Variants in ABCA7 observed in about 807,000 individuals in gnomAD.
The protein encoded by ABCA7 is phospholipid-transporting ATPase ABCA7.
A neutral mutation model predicts 227.6 loss-of-function variants in ABCA7; 261 were observed. The observed-to-expected ratio is 1.15, with a 90% CI of 1.04 to 1.27. The LOEUF (loss-of-function observed/expected upper bound fraction) is 1.27. Among genes scored for constraint, ABCA7 ranks in the 50% most tolerant of loss-of-function variants. The pLI is 0.00. For missense variants in ABCA7, 3,331 were observed against 2,924.5 expected (o/e 1.14, Z -3.21); for synonymous variants, 1,488 against 1,279.7 (o/e 1.16, Z -3.47).
At position 1,051,989 on chromosome 19, in the gene ABCA7, C is replaced by T. The variant is rs1403245182; in HGVS notation, c.3010C>T (p.Leu1004=). Residue 1004 remains leucine, a synonymous_variant, in exon 22 of 47, where the codon CTG becomes TTG. Transcript: ENST00000263094. The part of the protein sequence containing the change: ...STHHLDEAEL[L]GDRVAVVAGG... The stretch of plus-strand genomic sequence containing the variant: ...CCACCACCTGGATGAGGCAGAGCTG[C>T]TGGGAGACCGTGTGGCCGTGGTGGC... The T allele has an allele frequency of 1.2e-6, 2 of 1,612,274 alleles. No homozygotes were observed. The highest frequency in any genetic ancestry group is 1.7e-6 in the Non-Finnish European group (2 of 1,179,912).
chr19:1,041,931 G>T lies in ABCA7; in HGVS notation c.261G>T (p.Pro87=). The part of the protein sequence containing the change: ...VNNTCFPQLT[P]GEEPGRLSNF... ...ACACCTGCTTTCCGCAGCTGACACCGGGCGAGGAGCCCGGGCGCCTGAGCA... is the reference window on the plus strand; with the variant it reads ...ACACCTGCTTTCCGCAGCTGACACCTGGCGAGGAGCCCGGGCGCCTGAGCA... The change falls in exon 4 of 47, where the codon CCG becomes CCT. Residue 87 remains proline (P), a synonymous_variant. Transcript: ENST00000263094. 3 of 1,596,678 alleles carry T rather than the reference G, an allele frequency of 1.9e-6. No homozygotes were observed. The highest frequency in any genetic ancestry group is 2.5e-6 in the Non-Finnish European group (3 of 1,176,600).
In ABCA7 at chr19:1,053,439, G is replaced by T; in HGVS notation, c.3331G>T (p.Gly1111Cys). The change falls in exon 24 of 47, where the codon GGC (glycine) becomes TGC (cysteine). Residue 1111 changes from glycine to cysteine, a missense_variant. By Grantham distance (159) the Gly-to-Cys change is radical. Transcript: ENST00000263094. ...GCTGCCCTACACGGGTGCCCATGAC[G>T]GCAGCTTCGCCACACTCTTCCGAGA... ...LVLPYTGAHD[G>C]SFATLFRELD... 2 of 1,603,914 alleles carry T rather than the reference G, an allele frequency of 1.2e-6. No homozygotes were observed. The highest frequency in any genetic ancestry group is 2.2e-5 in the South Asian group (2 of 89,838).
intron 12 of ABCA7, chr19:1,045,463 G>A (rs2040531252): frequency 1.8e-6 from 1 of 562,492 alleles, no homozygotes; most frequent in Admixed American, 3.2e-5. Context: ...GATGAGAGCA[G>A]GTATAGGTTG....
At chr19:1,060,044 C>A (rs1271042769) in intron 40 of ABCA7, among the ~76,000 whole-genome samples, 1 of 152,136 alleles carries the variant, frequency 6.6e-6, no homozygotes, top group Admixed American at 6.5e-5. Flanking sequence ...AGCACTTGCT[C>A]ACAGCCAGCA....
chr19:1,055,156 C>T lies in ABCA7; in HGVS notation c.4010C>T (p.Thr1337Ile). The change falls in exon 30 of 47, where the codon ACC becomes ATC. Residue 1337 changes from threonine (T) to isoleucine (I), a missense_variant. Thr to Ile is a moderately conservative substitution (Grantham distance 89, BLOSUM62 -1). Coordinates refer to ENST00000263094, the MANE Select transcript of ABCA7 (RefSeq NM_019112.4). ...AAGGTCTTGGCCAGTGGCAACTGGA[C>T]CCCAGAGTCTCCATCCCCAGCCTGC... ...VAKVLASGNW[T>I]PESPSPACQC... The T allele has an allele frequency of 1.2e-6, 2 of 1,612,886 alleles. No individual in the cohort carries two copies. Among genetic ancestry groups the T allele is most frequent in the Non-Finnish European group, 1.7e-6 (2 of 1,179,946 alleles).
rs545977293 is a variant in ABCA7, at chr19:1,045,256, G to T, written c.1445+25G>T. The T allele has an allele frequency of 4.2e-4, 358 of 861,196 alleles. 1 individual carries two copies. Among genetic ancestry groups the T allele is most frequent in the African/African-American group, 1.9e-3 (110 of 59,150 alleles). The allele number at this position is 861,196 out of a possible 1,614,324, so 53.3% of individuals were successfully genotyped here. On this transcript the variant is annotated intron_variant, in intron 12 of 46. Transcript: ENST00000263094. ...GGTCAGGCGAGGGAGGGGGCGGGGG[G>T]ATGAGGGACTGGGCGGGGCCAAGAG... is the stretch of plus-strand genomic sequence containing the variant.
Position 1,054,021 on chromosome 19 carries a change from A to G in ABCA7, c.3488A>G (p.Gln1163Arg). ...GGCCCTGCAGATGGCAGCTGCGGGCAGCACCTATGCACAGGCATTGCTGGC... is the reference window on the plus strand; with the variant it reads ...GGCCCTGCAGATGGCAGCTGCGGGCGGCACCTATGCACAGGCATTGCTGGC... ...DTDMEDGSCG[Q>R]HLCTGIAGLD... The change falls in exon 26 of 47, where the codon CAG becomes CGG. Residue 1163 changes from glutamine (Q) to arginine (R), a missense_variant. Physicochemically the swap from Gln to Arg is conservative, Grantham distance 43 (BLOSUM62 1). Coordinates refer to ENST00000263094, the MANE Select transcript of ABCA7 (RefSeq NM_019112.4). The surrounding 1 kb of genome is among the most constrained non-coding windows in gnomAD (Gnocchi z 4.8). The G allele has an allele frequency of 6.2e-7, 1 of 1,613,306 alleles. No individual in the cohort carries two copies. Among genetic ancestry groups the G allele is most frequent in the Non-Finnish European group, 8.5e-7 (1 of 1,179,930 alleles).
In ABCA7 at chr19:1,062,312, A is replaced by G. The variant is rs1270577554; in HGVS notation, c.5711A>G (p.Gln1904Arg). Residue 1904 changes from glutamine (Q) to arginine (R), a missense_variant and splice_region_variant, in exon 42 of 47, where the codon CAG becomes CGG. Physicochemically the swap from Gln to Arg is conservative, Grantham distance 43. Coordinates refer to ENST00000263094, the MANE Select transcript of ABCA7 (RefSeq NM_019112.4). ...GGTGTCCCGGAGGCCCAGGTTGCCC[A>G]GGTGAGCCCACTTTGTCCCCACCGC... ...LRGVPEAQVA[Q>R]TAGSGLARLG... 4 of 1,602,262 alleles carry G rather than the reference A, an allele frequency of 2.5e-6. No homozygotes were observed. In the South Asian group the frequency reaches 3.3e-5, roughly 13 times the overall value.
rs753585845 is a variant in ABCA7, at chr19:1,043,105, G to A, written c.644G>A (p.Gly215Asp). 6.2e-7 allele frequency: 1 copy of A among 1,612,438 alleles called. No individual in the cohort carries two copies. Among genetic ancestry groups the A allele is most frequent in the Non-Finnish European group, 8.5e-7 (1 of 1,179,524 alleles). Reference sequence around the variant, plus strand: ...CTGCAGAGACCCCGAGGGACCAGCGGCCCCCTGGAGTTGCTGTCAGAGGCC... The same window carrying A: ...CTGCAGAGACCCCGAGGGACCAGCGACCCCCTGGAGTTGCTGTCAGAGGCC... ...ALLQRPRGTS[G>D]PLELLSEALC... Residue 215 changes from glycine to aspartate, a missense_variant, in exon 8 of 47, where the codon GGC becomes GAC. Physicochemically the swap from Gly to Asp is moderately conservative, Grantham distance 94. Transcript: ENST00000263094.
At chr19:1,048,868 A>C in intron 16 of ABCA7, 27 bp from the exon 17 acceptor site, 1 of 1,411,896 alleles carries the variant, frequency 7.1e-7, no homozygotes, top group Admixed American at 2.1e-5. Flanking sequence ...GGGTGGGCTA[A>C]GCAATAACCC....
chr19:1,040,333 T>G (rs981220880), intron 1 of ABCA7, 137 bp downstream of exon 1: 1 of 152,184 alleles, frequency 6.6e-6, no homozygotes, highest in Non-Finnish European at 1.5e-5. Context: ...ACGGCTGAAT[T>G]GATCACTGAT....
chr19:1,057,754 A>AG (rs547682092), intron 35 of ABCA7, among the ~76,000 whole-genome samples, 161 bp from the exon 36 acceptor site: 39 of 151,306 alleles, frequency 2.6e-4, no homozygotes, highest in Non-Finnish European at 4.9e-4. Flanking sequence ...AGAAAGAAAG[A>AG]GAGAGAAAGA....
chr19:1,048,389 G>A (rs1387873681), intron 16 of ABCA7, among the ~76,000 whole-genome samples: 1 of 148,604 alleles, frequency 6.7e-6, no homozygotes, highest in Non-Finnish European at 1.5e-5. Flanking sequence ...CTAGCTACTT[G>A]GAAGGCAGAG....
At position 1,056,303 on chromosome 19, in the gene ABCA7, G is replaced by C. The variant is rs1455164248; in HGVS notation, c.4417-27G>C. The C allele has an allele frequency of 1.9e-6, 3 of 1,609,112 alleles. No individual in the cohort carries two copies. Among genetic ancestry groups the C allele is most frequent in the Non-Finnish European group, 2.5e-6 (3 of 1,177,934 alleles). On this transcript the variant is annotated intron_variant, in intron 32 of 46. Coordinates refer to ENST00000263094, the MANE Select transcript of ABCA7 (RefSeq NM_019112.4). The surrounding 1 kb of genome is among the most constrained non-coding windows in gnomAD (Gnocchi z 4.3). ...CAGCAAGGTCCAACCCCATTGCTCT[G>C]ACCCTATGACCTTGACCCCCACCCA...
chr19:1,047,425 C>G, intron 15 of ABCA7, 28 bp from the exon 16 acceptor site: 4 of 1,537,390 alleles, frequency 2.6e-6, no homozygotes, highest in Non-Finnish European at 3.5e-6. Flanking sequence ...CCGCTTCGGC[C>G]GCTCACTGAC....
chr19:1,057,929 C>T lies in ABCA7; in HGVS notation c.4895C>T (p.Pro1632Leu), dbSNP rs143083561. 174 of 1,614,042 alleles carry T rather than the reference C, an allele frequency of 1.1e-4. 2 individuals carry two copies. In the African/African-American group the frequency reaches 1.1e-3, roughly 10 times the overall value. ...LLLLYGWSIT[P>L]LMYPASFFFS... ...TGTCCCTTCAGCTGGTCGATCACAC[C>T]GCTCATGTACCCAGCCTCCTTCTTC... The change falls in exon 36 of 47, where the codon CCG (proline) becomes CTG (leucine). Residue 1632 changes from proline (P) to leucine (L), a missense_variant. By Grantham distance (98) the Pro-to-Leu change is moderately conservative. Transcript: ENST00000263094.
intron 44 of ABCA7, 135 bp from the exon 45 acceptor site, chr19:1,064,026 G>C: frequency 7.5e-7 from 1 of 1,329,828 alleles, no homozygotes; most frequent in Non-Finnish European, 1.0e-6. Context: ...CGCGGCGCCG[G>C]GATCAGAACG....
intron 10 of ABCA7, 102 bp from the exon 11 acceptor site, chr19:1,044,475 T>C (rs890748609): frequency 1.4e-6 from 2 of 1,398,690 alleles, no homozygotes; most frequent in Non-Finnish European, 1.9e-6. Context: ...CTCGAACTCC[T>C]GACCTCAGGT....
chr19:1,064,936 C>G lies in ABCA7; in HGVS notation c.6050C>G (p.Ala2017Gly). ...CCTGGCCCCACTCACTGCAGATTCG[C>G]GGCGGGTCACACACTGACCCTGCGG... is the stretch of plus-strand genomic sequence containing the variant. ...GSPQHLKGRF[A>G]AGHTLTLRVP... Residue 2017 changes from alanine (A) to glycine (G), a missense_variant, in exon 46 of 47, where the codon GCG (alanine) becomes GGG (glycine). Transcript: ENST00000263094. 1.3e-6 allele frequency: 2 copies of G among 1,549,100 alleles called. No homozygotes were observed. The highest frequency in any genetic ancestry group is 1.7e-6 in the Non-Finnish European group (2 of 1,147,602).
Sources: gnomAD v4.1 joint callset for allele counts (sites outside exome capture counted in the v4.1 genomes callset) on GRCh38, gnomAD v4.1.1 for gene constraint, Gnocchi (gnomAD v3.1) non-coding constraint, MANE v1.5 for transcripts, NCBI Gene and HGNC (gene_info 2026-07-23, HGNC 2026-07-21) for gene names.